Variants in OSBPL9 observed in about 807,000 individuals in gnomAD.
The protein encoded by OSBPL9 is oxysterol-binding protein-related protein 9.
A neutral mutation model predicts 106.6 loss-of-function variants in OSBPL9; 40 were observed. That is an observed-to-expected ratio of 0.38 (90% confidence interval 0.29 to 0.49). The LOEUF (loss-of-function observed/expected upper bound fraction) is 0.49. Among genes scored for constraint, OSBPL9 ranks in the 20% least tolerant of loss-of-function variants. The probability of loss-of-function intolerance (pLI) is 0.97; values close to 1 mark genes in which losing one functional copy is unlikely to be tolerated. For synonymous variants in OSBPL9, 269 were observed against 295.4 expected, an observed-to-expected ratio of 0.91 and a Z score of 0.92; for missense variants, 609 against 887.2, an observed-to-expected ratio of 0.69 and a Z score of 3.98.
chr1:51,612,847 G>C (rs184078878), upstream of OSBPL9, among the ~76,000 whole-genome samples: 1 of 152,238 alleles, frequency 6.6e-6, no homozygotes, highest in Non-Finnish European at 1.5e-5. Context: ...GATATAGCTT[G>C]CTGCTGGGGT....
chr1:51,645,274 T>C (rs530763284), intron 1 of OSBPL9, among the ~76,000 whole-genome samples: 82 of 152,314 alleles, frequency 5.4e-4, no homozygotes, highest in African/African-American at 1.7e-3. Flanking sequence ...GCTGAAACTA[T>C]CTTCTTAACT....
the OSBPL9 span, among the ~76,000 whole-genome samples, chr1:51,543,025 CA>C: frequency 6.6e-6 from 1 of 152,146 alleles, no homozygotes; most frequent in African/African-American, 2.4e-5. Flanking sequence ...TAAAAAGAAG[CA>C]GAATTATCAA....
intron 16 of OSBPL9, 76 bp from the exon 17 acceptor site, chr1:51,782,483 A>AT: frequency 4.2e-6 from 5 of 1,192,988 alleles, no homozygotes; most frequent in Admixed American, 1.9e-5. Context: ...GCGAGCAGAG[A>AT]CCCCAATTAC....
At chr1:51,746,250 C>G (rs1454986948) in intron 5 of OSBPL9, among the ~76,000 whole-genome samples, 2 of 152,106 alleles carry the variant, frequency 1.3e-5, no homozygotes, top group African/African-American at 4.8e-5. Flanking sequence ...CCTAGTGGCT[C>G]AATTTCTAAC....
chr1:51,612,168 C>T (rs1643992493), upstream of OSBPL9, among the ~76,000 whole-genome samples: 1 of 152,160 alleles, frequency 6.6e-6, no homozygotes, highest in Non-Finnish European at 1.5e-5. Flanking sequence ...AGTATCTTTC[C>T]TATTCTTCAT....
Position 51,773,941 on chromosome 1 carries a change from CGTTGTTGTTGTT to C in OSBPL9, c.1170+1246_1170+1257del, listed in dbSNP as rs3835387. On this transcript the variant is annotated intron_variant, in intron 14 of 23. Coordinates refer to ENST00000428468, the MANE Select transcript of OSBPL9 (RefSeq NM_024586.6). The stretch of plus-strand genomic sequence containing the variant: ...AATCATTAGATTGTACAGCTGCTGG[CGTTGTTGTTGTT>C]GTTGTTGTTGTTGTTGTTGTTGTTG... 8.8e-3 allele frequency among the ~76,000 whole-genome samples: 1,310 copies of C among 149,074 alleles called. 20 individuals carry two copies. Among genetic ancestry groups the C allele is most frequent in the African/African-American group, 0.03 (1,212 of 40,554 alleles).
At chr1:51,664,480 C>A (rs1441358916) in intron 2 of OSBPL9, among the ~76,000 whole-genome samples, 1 of 152,016 alleles carries the variant, frequency 6.6e-6, no homozygotes, top group African/African-American at 2.4e-5. Context: ...CACTTGAGGC[C>A]AGGAGTTTGA....
chr1:51,666,721 T>G (rs1393267687), intron 2 of OSBPL9, among the ~76,000 whole-genome samples: 1 of 152,094 alleles, frequency 6.6e-6, no homozygotes, highest in Non-Finnish European at 1.5e-5. Context: ...GTCTGTGAGG[T>G]GGGGCAGAAG....
chr1:51,671,431 A>C (rs1649845102), intron 3 of OSBPL9, among the ~76,000 whole-genome samples: 1 of 152,194 alleles, frequency 6.6e-6, no homozygotes, highest in African/African-American at 2.4e-5. Flanking sequence ...ATGAAATATC[A>C]GTTGATGCAT....
chr1:51,574,482 G>A (rs554183109), upstream of OSBPL9, among the ~76,000 whole-genome samples: 10 of 152,344 alleles, frequency 6.6e-5, no homozygotes, highest in Admixed American at 1.3e-4. Flanking sequence ...AGCCAGGCGC[G>A]GTGGCGGATG....
At chr1:51,644,740 A>G (rs1027683627) in intron 1 of OSBPL9, among the ~76,000 whole-genome samples, 4 of 152,144 alleles carry the variant, frequency 2.6e-5, no homozygotes, top group Non-Finnish European at 5.9e-5. Context: ...TCTACTGATG[A>G]ATCATTTCCT....
At chr1:51,674,678 C>CT (rs1291673234) in intron 3 of OSBPL9, among the ~76,000 whole-genome samples, 1 of 152,166 alleles carries the variant, frequency 6.6e-6, no homozygotes, top group Non-Finnish European at 1.5e-5. Context: ...AACGATGGAC[C>CT]ACATATATGA....
chr1:51,666,567 T>G (rs1028315085), intron 2 of OSBPL9, among the ~76,000 whole-genome samples: 1 of 152,178 alleles, frequency 6.6e-6, no homozygotes, highest in Non-Finnish European at 1.5e-5. Context: ...CTGCAGAAAG[T>G]TCTGTTGGAT....
intron 1 of OSBPL9, among the ~76,000 whole-genome samples, chr1:51,647,158 G>C (rs4626931): frequency 0.19 from 29,069 of 151,960 alleles, 3,524 homozygotes; most frequent in Middle Eastern, 0.32. Flanking sequence ...TTAAAAGTAC[G>C]TTTTCTGTGT....
intron 3 of OSBPL9, among the ~76,000 whole-genome samples, chr1:51,687,295 A>G (rs953805750): frequency 2.0e-5 from 3 of 152,216 alleles, no homozygotes; most frequent in Non-Finnish European, 2.9e-5. Flanking sequence ...TACAGCAGGA[A>G]CTGTACCAAA....
At chr1:51,736,900 A>G (rs1242744631) in intron 4 of OSBPL9, among the ~76,000 whole-genome samples, 1 of 152,180 alleles carries the variant, frequency 6.6e-6, no homozygotes, top group African/African-American at 2.4e-5. Context: ...GTATCTCAGA[A>G]GAAAAGTGTT....
intron 4 of OSBPL9, among the ~76,000 whole-genome samples, chr1:51,719,203 A>G (rs776484654): frequency 6.6e-6 from 1 of 152,208 alleles, no homozygotes; most frequent in African/African-American, 2.4e-5. Context: ...GTGACAGAAG[A>G]TAACTAAGAT....
At chr1:51,671,268 C>G (rs1322801574) in intron 3 of OSBPL9, among the ~76,000 whole-genome samples, 1 of 151,984 alleles carries the variant, frequency 6.6e-6, no homozygotes, top group Non-Finnish European at 1.5e-5. Flanking sequence ...GGTCCTTGAT[C>G]ATAAAATCCC....
chr1:51,645,371 G>A (rs946054190), intron 1 of OSBPL9, among the ~76,000 whole-genome samples: 19 of 151,946 alleles, frequency 1.3e-4, no homozygotes, highest in African/African-American at 3.9e-4. Flanking sequence ...TGCGAGTTCT[G>A]TATATATTCT....
Sources: gnomAD v4.1 joint callset for allele counts (sites outside exome capture counted in the v4.1 genomes callset) on GRCh38, gnomAD v4.1.1 for gene constraint, MANE v1.5 for transcripts, NCBI Gene and HGNC (gene_info 2026-07-23, HGNC 2026-07-21) for gene names.